Variants in ADAMTS3 observed in about 807,000 individuals in gnomAD.
The protein encoded by ADAMTS3 is A disintegrin and metalloproteinase with thrombospondin motifs 3.
A neutral mutation model predicts 129.0 loss-of-function variants in ADAMTS3; 73 were observed. That is an observed-to-expected ratio of 0.57 (90% CI 0.47 to 0.69). The LOEUF (loss-of-function observed/expected upper bound fraction) is 0.69, where lower values mean the gene tolerates loss of function less well. Among genes scored for constraint, ADAMTS3 ranks in the 30% least tolerant of loss-of-function variants. The pLI, the probability that ADAMTS3 is intolerant of heterozygous loss-of-function variation, is 0.00. For synonymous variants in ADAMTS3, 477 were observed against 510.8 expected (o/e 0.93, Z 0.89); for missense variants, 1,457 against 1,514.5 (o/e 0.96, Z 0.63).
At chr4:72,495,837 T>C (rs1349571705) in intron 3 of ADAMTS3, among the ~76,000 whole-genome samples, 1 of 152,168 alleles carries the variant, frequency 6.6e-6, no homozygotes, top group Non-Finnish European at 1.5e-5. Context: ...GATAGAACCA[T>C]AATACAAACC....
Position 72,304,431 on chromosome 4 carries a change from T to C in ADAMTS3, c.2261-351A>G, listed in dbSNP as rs143613738. On this transcript the variant is annotated intron_variant, in intron 16 of 21. Transcript: ENST00000286657. ...CTGGGAATATCTTGAAAATGATAGC[T>C]ACCTTTTCAATAATTAATAGAAACA... is the stretch of plus-strand genomic sequence containing the variant. Among the ~76,000 whole-genome samples the C allele has an allele frequency of 4.8e-3, 734 of 152,282 alleles. 3 individuals carry two copies. The highest frequency in any genetic ancestry group is 7.9e-3 in the Non-Finnish European group (537 of 67,990).
chr4:72,550,358 T>C lies in ADAMTS3; in HGVS notation c.98-1474A>G, dbSNP rs1721616264. Among the ~76,000 whole-genome samples, 4 of 152,106 alleles carry C rather than the reference T, an allele frequency of 2.6e-5. No homozygotes were observed. In the South Asian group the frequency reaches 8.3e-4, roughly 31 times the overall value. On this transcript the variant is annotated intron_variant, in intron 2 of 21. Coordinates refer to ENST00000286657, the MANE Select transcript of ADAMTS3 (RefSeq NM_014243.3). ...TTGTAGAATCACTATTTTCATTATT[T>C]TCTTGCTTTTTAAAAACCTCAGGCA...
chr4:72,437,699 A>G (rs1717986558), intron 3 of ADAMTS3, among the ~76,000 whole-genome samples: 1 of 151,766 alleles, frequency 6.6e-6, no homozygotes, highest in South Asian at 2.1e-4. Flanking sequence ...AACAGAAACA[A>G]TAATAGAATG....
At chr4:72,567,046 TTGA>T (rs1048906885) in intron 2 of ADAMTS3, among the ~76,000 whole-genome samples, 36 of 152,220 alleles carry the variant, frequency 2.4e-4, no homozygotes, top group African/African-American at 8.4e-4. Context: ...GCTACAGAAG[TTGA>T]TGATTTTATT....
At chr4:72,379,450 A>C (rs576039952) in intron 4 of ADAMTS3, among the ~76,000 whole-genome samples, 9 of 152,230 alleles carry the variant, frequency 5.9e-5, no homozygotes, top group East Asian at 5.8e-4. Context: ...AAAAAAAAAA[A>C]AAACCCATTT....
At chr4:72,498,911 A>G (rs1719939070) in intron 3 of ADAMTS3, among the ~76,000 whole-genome samples, 1 of 152,102 alleles carries the variant, frequency 6.6e-6, no homozygotes, top group Non-Finnish European at 1.5e-5. Context: ...TAATTCTTCC[A>G]TCTCTGACAC....
At chr4:72,565,500 T>C (rs2109810492) in intron 2 of ADAMTS3, among the ~76,000 whole-genome samples, 1 of 152,274 alleles carries the variant, frequency 6.6e-6, no homozygotes, top group East Asian at 1.9e-4. Flanking sequence ...ATATGATACA[T>C]AAACCAAAGT....
intron 1 of ADAMTS3, 138 bp from the exon 2 acceptor site, chr4:72,567,539 G>T: frequency 1.3e-6 from 1 of 799,048 alleles, no homozygotes; most frequent in Non-Finnish European, 2.0e-6. Context: ...GGTGCCTAAA[G>T]CCTGCACCTT....
intron 2 of ADAMTS3, among the ~76,000 whole-genome samples, chr4:72,557,674 T>C (rs1208760806): frequency 2.0e-5 from 3 of 151,816 alleles, no homozygotes; most frequent in Non-Finnish European, 4.4e-5. Context: ...AATTGCACAA[T>C]ATTTATGTTC....
intron 17 of ADAMTS3, among the ~76,000 whole-genome samples, chr4:72,303,532 C>G (rs113043317): frequency 0.02 from 2,965 of 151,866 alleles, 90 homozygotes; most frequent in African/African-American, 0.068. Flanking sequence ...ACCCACACCA[C>G]AAGAAATGCT....
At chr4:72,349,131 T>C (rs749079292) in intron 4 of ADAMTS3, among the ~76,000 whole-genome samples, 2 of 152,068 alleles carry the variant, frequency 1.3e-5, no homozygotes, top group Non-Finnish European at 2.9e-5. Flanking sequence ...TCTACTATGA[T>C]GCAACTCTAT....
At chr4:72,511,410 T>C (rs1357096402) in intron 3 of ADAMTS3, among the ~76,000 whole-genome samples, 4 of 152,046 alleles carry the variant, frequency 2.6e-5, no homozygotes, top group African/African-American at 7.2e-5. Context: ...CAAACAACTC[T>C]ACAGGGGAAA....
intron 4 of ADAMTS3, among the ~76,000 whole-genome samples, chr4:72,386,693 A>G (rs949525257): frequency 1.3e-5 from 2 of 152,188 alleles, no homozygotes; most frequent in East Asian, 1.9e-4. Context: ...CATAAACTAA[A>G]TAGTAGATAA....
chr4:72,473,613 T>C (rs1719143332), intron 3 of ADAMTS3, among the ~76,000 whole-genome samples: 1 of 151,448 alleles, frequency 6.6e-6, no homozygotes, highest in African/African-American at 2.4e-5. Context: ...AGTGGGGAGC[T>C]TAGGCCTCCA....
chr4:72,506,825 A>AT (rs778509097), intron 3 of ADAMTS3, among the ~76,000 whole-genome samples: 17 of 152,012 alleles, frequency 1.1e-4, no homozygotes, highest in Non-Finnish European at 2.1e-4. Context: ...GTTTGCCCAC[A>AT]TTTTCCCCCA....
chr4:72,568,765 CG>C lies in ADAMTS3; in HGVS notation c.-4del. 1 of 1,613,040 alleles carries C rather than the reference CG, an allele frequency of 6.2e-7. No individual in the cohort carries two copies. Among genetic ancestry groups the C allele is most frequent in the Non-Finnish European group, 8.5e-7 (1 of 1,179,688 alleles). ...AACCAAAGTGACAGGAGAACCATCA[CG>C]AGTCGAGTTCACTTTCCAACTACTG... On this transcript the variant is annotated 5_prime_UTR_variant, in exon 1 of 22. Transcript: ENST00000286657.
intron 3 of ADAMTS3, chr4:72,442,028 G>A (rs1718131724): frequency 6.6e-6 from 1 of 151,722 alleles, no homozygotes; most frequent in Non-Finnish European, 1.5e-5. Flanking sequence ...CAATGCAGAT[G>A]GCTTCTCTTT....
At chr4:72,523,735 G>A (rs1247447004) in intron 3 of ADAMTS3, among the ~76,000 whole-genome samples, 2 of 151,842 alleles carry the variant, frequency 1.3e-5, no homozygotes, top group Non-Finnish European at 1.5e-5. Flanking sequence ...CCATGCATGA[G>A]GTGAACAATA....
At chr4:72,530,766 GATTATATATATTATATTATACATTATAT>G (rs1308627997) in intron 3 of ADAMTS3, among the ~76,000 whole-genome samples, 1 of 3,734 alleles carries the variant, frequency 2.7e-4, no homozygotes, top group Admixed American at 6.5e-3. Context: ...ATATTATATA[GATTATATATATTATATTATACATTATAT>G]ATTATATATA....
Sources: allele counts gnomAD v4.1 joint callset (sites outside exome capture counted in the v4.1 genomes callset), GRCh38; gene constraint gnomAD v4.1.1; transcripts MANE v1.5; gene names NCBI Gene and HGNC (gene_info 2026-07-23, HGNC 2026-07-21).